The following TCEA1 variants were observed in gnomAD, a reference collection of about 807,000 sequenced individuals.
The protein encoded by TCEA1 is transcription elongation factor A protein 1.
TCEA1 carries 21 observed loss-of-function variants against 43.8 expected under a neutral mutation model. The ratio of observed to expected loss-of-function variants is 0.48; its 90% CI spans 0.34 to 0.69. The LOEUF (loss-of-function observed/expected upper bound fraction) is 0.69, where lower values mean the gene tolerates loss of function less well. TCEA1 is among the 30% of genes least tolerant of loss of function. The pLI is 0.01. For missense variants in TCEA1, 250 were observed against 365.1 expected, an observed-to-expected ratio of 0.68 and a Z score of 2.57; for synonymous variants, 104 against 117.5, an observed-to-expected ratio of 0.88 and a Z score of 0.75.
intron 3 of TCEA1, among the ~76,000 whole-genome samples, chr8:53,995,277 A>T (rs1216780427): frequency 6.7e-6 from 1 of 149,548 alleles, no homozygotes; most frequent in East Asian, 1.9e-4. Flanking sequence ...CCTGGGTGAC[A>T]GAGTGAGACT....
chr8:54,002,801 A>G (rs1804313440), intron 2 of TCEA1: 1 of 431,770 alleles, frequency 2.3e-6, no homozygotes, highest in Admixed American at 2.6e-5. Context: ...TTTCAGGACA[A>G]ACTATACATC....
intron 4 of TCEA1, among the ~76,000 whole-genome samples, chr8:53,991,500 G>C (rs1245423489): frequency 6.6e-6 from 1 of 151,884 alleles, no homozygotes; most frequent in Admixed American, 6.6e-5. Context: ...TTCAAGACCA[G>C]CCTGATCAAA....
At chr8:54,008,530 T>C (rs1323811986) in intron 2 of TCEA1, among the ~76,000 whole-genome samples, 1 of 151,704 alleles carries the variant, frequency 6.6e-6, no homozygotes, top group Non-Finnish European at 1.5e-5. Flanking sequence ...GCTCCTGTAG[T>C]CCCCAGTTAC....
intron 2 of TCEA1, among the ~76,000 whole-genome samples, chr8:54,001,690 G>A (rs1171476348): frequency 6.6e-6 from 1 of 152,192 alleles, no homozygotes; most frequent in Admixed American, 6.5e-5. Context: ...AGGAGATGAT[G>A]AATTGTGTAC....
At chr8:53,979,375 T>C (rs1400830395) in intron 7 of TCEA1, among the ~76,000 whole-genome samples, 1 of 152,238 alleles carries the variant, frequency 6.6e-6, no homozygotes. Context: ...AAAGTTTACA[T>C]GTGAAAATTG....
rs181906401 is a variant in TCEA1, at chr8:53,999,886, A to T, written c.232+59T>A. 138 of 1,160,048 alleles carry T rather than the reference A, an allele frequency of 1.2e-4. 3 individuals are homozygous for T. The Middle Eastern group carries it at 5.7e-3, about 48-fold the overall frequency. 71.9% of individuals were successfully genotyped at this position (1,160,048 alleles called of 1,614,324 possible). A position where few individuals can be genotyped will look rare whatever the true frequency, so the allele number is the denominator to read the frequency against. On this transcript the variant is annotated intron_variant, in intron 3 of 9. Transcript: ENST00000521604. ...CATTAACTAACCATAAAATGTAACC[A>T]TTAACTATTTGAATAAATCACAACA...
At chr8:53,986,505 C>T (rs771039008) in intron 6 of TCEA1, among the ~76,000 whole-genome samples, 2 of 152,192 alleles carry the variant, frequency 1.3e-5, no homozygotes, top group Non-Finnish European at 2.9e-5. Context: ...TTTCAAATTG[C>T]CAACGAGATA....
intron 3 of TCEA1, among the ~76,000 whole-genome samples, chr8:53,999,157 G>A (rs1437324777): frequency 5.3e-5 from 8 of 149,874 alleles, no homozygotes; most frequent in Admixed American, 1.3e-4. Flanking sequence ...CCCAGGAGGC[G>A]GAGCTTGCAG....
intron 7 of TCEA1, among the ~76,000 whole-genome samples, chr8:53,980,974 T>C (rs981310120): frequency 6.6e-6 from 1 of 152,210 alleles, no homozygotes; most frequent in Non-Finnish European, 1.5e-5. Flanking sequence ...TTATTGCCGA[T>C]ATGAAAACGT....
chr8:53,998,325 A>T (rs1335330275), intron 3 of TCEA1, among the ~76,000 whole-genome samples: 1 of 152,182 alleles, frequency 6.6e-6, no homozygotes, highest in Non-Finnish European at 1.5e-5. Context: ...TAAAGGGTAC[A>T]TGAGACCTTT....
intron 9 of TCEA1, among the ~76,000 whole-genome samples, chr8:53,969,347 G>A (rs1325986322): frequency 6.6e-6 from 1 of 152,086 alleles, no homozygotes; most frequent in Non-Finnish European, 1.5e-5. Flanking sequence ...CCTTAAAGTG[G>A]AGTTGAAGAA....
chr8:53,997,168 A>C (rs999050308), intron 3 of TCEA1, among the ~76,000 whole-genome samples: 78 of 152,026 alleles, frequency 5.1e-4, no homozygotes, highest in Admixed American at 3.3e-4. Flanking sequence ...TCAGCCTCCC[A>C]AAGTGCTGAG....
chr8:53,973,854 A>G (rs1803241369), intron 8 of TCEA1: 2 of 360,596 alleles, frequency 5.5e-6, no homozygotes, highest in Non-Finnish European at 1.1e-5. Context: ...AAGAGAACAG[A>G]AAAAACAAGA....
intron 1 of TCEA1, among the ~76,000 whole-genome samples, chr8:54,020,571 T>G (rs1586046186): frequency 6.6e-6 from 1 of 152,354 alleles, no homozygotes; most frequent in South Asian, 2.1e-4. Context: ...GAAAGCATGC[T>G]GTCCAGAAGA....
chr8:54,013,260 G>A (rs566952821), intron 1 of TCEA1, among the ~76,000 whole-genome samples: 1 of 152,284 alleles, frequency 6.6e-6, no homozygotes, highest in African/African-American at 2.4e-5. Context: ...GTGAGGCCAT[G>A]GTTGGAATAA....
At chr8:53,999,224 CAAAAAAAAAAAAAAA>C (rs57357613) in intron 3 of TCEA1, among the ~76,000 whole-genome samples, 2 of 64,550 alleles carry the variant, frequency 3.1e-5, no homozygotes, top group African/African-American at 5.3e-5. Flanking sequence ...GACTCAGTCT[CAAAAAAAAAAAAAAA>C]AAAAAAAGAA....
chr8:53,983,038 C>G (rs1329983297), intron 7 of TCEA1, among the ~76,000 whole-genome samples: 1 of 152,178 alleles, frequency 6.6e-6, no homozygotes, highest in Non-Finnish European at 1.5e-5. Flanking sequence ...ACCACAGCCA[C>G]CTCAACCTTC....
At chr8:53,994,790 G>A (rs1332571592) in intron 3 of TCEA1, among the ~76,000 whole-genome samples, 1 of 151,862 alleles carries the variant, frequency 6.6e-6, no homozygotes, top group Admixed American at 6.6e-5. Flanking sequence ...AGAATAGCTT[G>A]AACCCAGGAG....
intron 1 of TCEA1, among the ~76,000 whole-genome samples, chr8:54,020,929 T>A (rs1805002594): frequency 6.6e-6 from 1 of 152,190 alleles, no homozygotes; most frequent in Non-Finnish European, 1.5e-5. Context: ...GCCTCACGCC[T>A]GTAATCCCAG....
Sources: allele counts gnomAD v4.1 joint callset (sites outside exome capture counted in the v4.1 genomes callset), GRCh38; gene constraint gnomAD v4.1.1; transcripts MANE v1.5; gene names NCBI Gene and HGNC (gene_info 2026-07-23, HGNC 2026-07-21).